SF3B1: variants seen among roughly 807,000 people sequenced by gnomAD.
SF3B1 encodes the protein splicing factor 3b subunit 1.
A neutral mutation model predicts 153.8 loss-of-function variants in SF3B1; 12 were observed. That is an observed-to-expected ratio of 0.08 (90% confidence interval 0.05 to 0.13). SF3B1 has a LOEUF of 0.13. SF3B1 is among the 10% of genes least tolerant of loss of function. The probability of loss-of-function intolerance (pLI) is 1.00; values close to 1 mark genes in which losing one functional copy is unlikely to be tolerated. For synonymous variants in SF3B1, 498 were observed against 525.2 expected (o/e 0.95, Z 0.71); for missense variants, 513 against 1,606.1 (o/e 0.32, Z 11.63).
At chr2:197,396,434 G>A (rs997951859) in intron 22 of SF3B1, 106 bp from the exon 23 acceptor site, 5 of 863,394 alleles carry the variant, frequency 5.8e-6, no homozygotes, top group Non-Finnish European at 8.8e-6. Context: ...TAATTACAGG[G>A]AACTCAGTAA....
At chr2:197,408,157 C>G (rs1196028364) in intron 8 of SF3B1, 38 bp from the exon 9 acceptor site, 2 of 1,543,610 alleles carry the variant, frequency 1.3e-6, no homozygotes, top group Admixed American at 1.7e-5. Flanking sequence ...ATCTATAGTA[C>G]AAGACTGTAT....
intron 23 of SF3B1, among the ~76,000 whole-genome samples, chr2:197,394,408 C>G (rs755264685): frequency 1.3e-5 from 2 of 152,026 alleles, no homozygotes; most frequent in Non-Finnish European, 1.5e-5. Flanking sequence ...TCCCTTCTCA[C>G]GTAAAGTTTA....
Position 197,389,843 on chromosome 2 carries a change from A to G in SF3B1, c.*2460T>C, listed in dbSNP as rs12995665. On this transcript the variant is annotated 3_prime_UTR_variant, in exon 25 of 25. Coordinates refer to ENST00000335508, the MANE Select transcript of SF3B1 (RefSeq NM_012433.4). The stretch of plus-strand genomic sequence containing the variant: ...CTTGGTGCTCACAGGGCACTGTACA[A>G]CAAATTTTAAAAATACAATATGAAA... 1 of 152,218 alleles carries G rather than the reference A, an allele frequency of 6.6e-6. No homozygotes were observed. The highest frequency in any genetic ancestry group is 2.4e-5 in the African/African-American group (1 of 41,434). The allele number at this position is 152,218 out of a possible 1,614,324, so 9.4% of individuals were successfully genotyped here.
rs775635789 is a variant in SF3B1, at chr2:197,402,917, A to C, written c.1806+32T>G. The C allele has an allele frequency of 6.2e-6, 10 of 1,608,422 alleles. No homozygotes were observed. Among genetic ancestry groups the C allele is most frequent in the African/African-American group, 1.3e-5 (1 of 74,740 alleles). On this transcript the variant is annotated intron_variant, in intron 13 of 24. Transcript: ENST00000335508. The surrounding 1 kb of genome is among the most constrained non-coding windows in gnomAD (Gnocchi z 4.6). ...ATAATCAATTCCATAAACAGATATA[A>C]ATTTTCTTCTCTAGAAATTAAATGT... is the stretch of plus-strand genomic sequence containing the variant.
At position 197,393,106 on chromosome 2, in the gene SF3B1, G is replaced by A. The variant is rs2084831545; in HGVS notation, c.3622C>T (p.Leu1208=). 6.2e-7 allele frequency: 1 copy of A among 1,613,612 alleles called. No individual in the cohort carries two copies. Among genetic ancestry groups the A allele is most frequent in the Admixed American group, 1.7e-5 (1 of 59,998 alleles). Residue 1208 remains leucine (L), a synonymous_variant, in exon 24 of 25, where the codon CTG becomes TTG. Coordinates refer to ENST00000335508, the MANE Select transcript of SF3B1 (RefSeq NM_012433.4). ...GVYGFGCEDS[L]NHLLNYVWPN... is the part of the protein sequence containing the mutation. ...CATACATAGTTCAACAAGTGATTCA[G>A]CGAATCTTCACAACCAAATCCATAA...
intron 8 of SF3B1, 61 bp from the exon 9 acceptor site, chr2:197,408,180 T>A (rs142362031): frequency 4.5e-5 from 66 of 1,460,962 alleles, no homozygotes; most frequent in Admixed American, 9.3e-5. Context: ...TTACATACAT[T>A]GAGATAAAAG....
At chr2:197,419,149 T>C in intron 4 of SF3B1, 1 of 496,318 alleles carries the variant, frequency 2.0e-6, no homozygotes, top group Non-Finnish European at 3.6e-6. Flanking sequence ...GATGTCACGT[T>C]ACTAAAAAGG....
At chr2:197,410,125 A>C in intron 6 of SF3B1, 118 bp from the exon 7 acceptor site, 1 of 643,224 alleles carries the variant, frequency 1.6e-6, no homozygotes, top group Non-Finnish European at 2.7e-6. Context: ...TAATTAATGA[A>C]AAGTTAGAAG....
At position 197,416,795 on chromosome 2, in the gene SF3B1, A is replaced by T. The variant is rs2085154616; in HGVS notation, c.612T>A (p.Ala204=). ...TGGGAGTGGCACCAGGAGTCTGATC[A>T]GCTGTTTGATCCCAACGCCGTTTTC... ...SKRKRRWDQT[A]DQTPGATPKK... The change falls in exon 6 of 25, where the codon GCT becomes GCA. Residue 204 remains alanine (A), a synonymous_variant. Coordinates refer to ENST00000335508, the MANE Select transcript of SF3B1 (RefSeq NM_012433.4). 2.5e-6 allele frequency: 4 copies of T among 1,614,082 alleles called. No individual in the cohort carries two copies. In the South Asian group the frequency reaches 4.4e-5, roughly 18 times the overall value.
At chr2:197,434,521 C>T (rs2085491165) in intron 1 of SF3B1, among the ~76,000 whole-genome samples, 1 of 152,192 alleles carries the variant, frequency 6.6e-6, no homozygotes, top group African/African-American at 2.4e-5. Context: ...GTAGGAGTAA[C>T]GGAATCTCGG....
chr2:197,416,719 A>AG (rs773508509), intron 6 of SF3B1, 22 bp downstream of exon 6: 15 of 1,594,802 alleles, frequency 9.4e-6, no homozygotes, highest in Non-Finnish European at 1.3e-5. Context: ...AACAGTAATA[A>AG]CAAAAAACAA....
At chr2:197,393,881 C>CT (rs758001423) in intron 23 of SF3B1, among the ~76,000 whole-genome samples, 5 of 152,038 alleles carry the variant, frequency 3.3e-5, no homozygotes, top group Non-Finnish European at 7.4e-5. Context: ...ACTTTTTTCT[C>CT]TTTTTTAAAA....
At chr2:197,418,962 ATC>A (rs1319952432) in intron 4 of SF3B1, 1 of 1,588,766 alleles carries the variant, frequency 6.3e-7, no homozygotes, top group African/African-American at 1.3e-5. Context: ...CTAGAAAATT[ATC>A]TCTTTACCAT....
intron 1 of SF3B1, among the ~76,000 whole-genome samples, chr2:197,434,038 G>A (rs893218806): frequency 6.6e-6 from 1 of 152,146 alleles, no homozygotes; most frequent in Non-Finnish European, 1.5e-5. Context: ...GTAAAATTTT[G>A]GATGGCCTCA....
Position 197,400,689 on chromosome 2 carries a change from C to T in SF3B1, c.2718+26G>A, listed in dbSNP as rs2105982247. The T allele has an allele frequency of 6.8e-7, 1 of 1,460,640 alleles. No homozygotes were observed. Among genetic ancestry groups the T allele is most frequent in the Non-Finnish European group, 9.5e-7 (1 of 1,049,804 alleles). 90.5% of individuals were successfully genotyped at this position (1,460,640 alleles called of 1,614,324 possible). A position where few individuals can be genotyped will look rare whatever the true frequency, so the allele number is the denominator to read the frequency against. The stretch of plus-strand genomic sequence containing the variant: ...TTTCTACAAATATTAAAGTTAGTAG[C>T]AATGTGCCATAATAGTTTTCATTAC... On this transcript the variant is annotated intron_variant, in intron 18 of 24. Transcript: ENST00000335508. This position sits in a 1 kb window ranked among gnomAD's most constrained non-coding sequence, Gnocchi z 5.0.
intron 6 of SF3B1, among the ~76,000 whole-genome samples, chr2:197,412,600 G>A (rs2085086050): frequency 6.6e-6 from 1 of 151,666 alleles, no homozygotes; most frequent in African/African-American, 2.4e-5. Context: ...CAGGTGATCT[G>A]CCCGCTTGGC....
chr2:197,392,925 A>G (rs1431090837), intron 24 of SF3B1, 47 bp downstream of exon 24: 1 of 1,048,468 alleles, frequency 9.5e-7, no homozygotes, highest in African/African-American at 2.4e-5. Context: ...TTAAAGTATT[A>G]TTTAAAAAAA....
rs552439698 is a variant in SF3B1 at position 197,392,222 on chromosome 2, G to A, written c.*81C>T. Reference sequence around the variant, plus strand: ...GACCAGTTCTACACTGATCTGCAATGTTTAAAAGTTTACATCACCAAATCA... The same window carrying A: ...GACCAGTTCTACACTGATCTGCAATATTTAAAAGTTTACATCACCAAATCA... On this transcript the variant is annotated 3_prime_UTR_variant, in exon 25 of 25. Transcript: ENST00000335508. 990 of 674,714 alleles carry A rather than the reference G, an allele frequency of 1.5e-3. 12 individuals carry two copies. Among genetic ancestry groups the A allele is most frequent in the Middle Eastern group, 5.3e-3 (17 of 3,214 alleles). The allele number at this position is 674,714 out of a possible 1,614,324, so 41.8% of individuals were successfully genotyped here.
In SF3B1 at chr2:197,403,813, T is replaced by C. The variant is rs763765402; in HGVS notation, c.1540-49A>G. On this transcript the variant is annotated intron_variant, in intron 11 of 24. Coordinates refer to ENST00000335508, the MANE Select transcript of SF3B1 (RefSeq NM_012433.4). The stretch of plus-strand genomic sequence containing the variant: ...GGTGTGGTTTCTTTATAATCAAACA[T>C]TTTGAATGAGCAAATTACTCAAAGA... 5 of 1,381,434 alleles carry C rather than the reference T, an allele frequency of 3.6e-6. No homozygotes were observed. In the African/African-American group the frequency reaches 7.6e-5, roughly 21 times the overall value. 85.6% of individuals were successfully genotyped at this position (1,381,434 alleles called of 1,614,324 possible). A position where few individuals can be genotyped will look rare whatever the true frequency, so the allele number is the denominator to read the frequency against.
Sources: gnomAD v4.1 joint callset for allele counts (sites outside exome capture counted in the v4.1 genomes callset) on GRCh38, gnomAD v4.1.1 for gene constraint, Gnocchi (gnomAD v3.1) non-coding constraint, MANE v1.5 for transcripts, NCBI Gene and HGNC (gene_info 2026-07-23, HGNC 2026-07-21) for gene names.